The following GATA5 variants were observed in gnomAD, a reference collection of about 807,000 sequenced individuals.
GATA5 encodes GATA binding protein 5, also known as transcription factor GATA-5.
In GATA5, 27 loss-of-function variants were observed where a neutral mutation model predicts 35.0. The observed-to-expected ratio is 0.77, with a 90% CI of 0.57 to 1.06. The LOEUF (loss-of-function observed/expected upper bound fraction) is 1.06, where lower values mean the gene tolerates loss of function less well. GATA5 is among the 50% of genes least tolerant of loss of function. The pLI, the probability that GATA5 is intolerant of heterozygous loss-of-function variation, is 0.00. For synonymous variants in GATA5, 306 were observed against 267.8 expected (o/e 1.14, Z -1.39); for missense variants, 612 against 580.0 (o/e 1.06, Z -0.57).
At chr20:62,467,942 G>A (rs189009854) in intron 3 of GATA5, among the ~76,000 whole-genome samples, 1 of 149,258 alleles carries the variant, frequency 6.7e-6, no homozygotes, top group East Asian at 2.0e-4. Flanking sequence ...AGCCCACCTC[G>A]GTTTCCCCAT....
chr20:62,464,743 G>C lies in GATA5; in HGVS notation c.*93C>G. The C allele has an allele frequency of 8.8e-7, 1 of 1,142,142 alleles. No individual in the cohort carries two copies. Among genetic ancestry groups the C allele is most frequent in the Non-Finnish European group, 1.2e-6 (1 of 822,582 alleles). 70.8% of individuals were successfully genotyped at this position (1,142,142 alleles called of 1,614,324 possible). On this transcript the variant is annotated 3_prime_UTR_variant, in exon 7 of 7. Transcript: ENST00000252997. ...CAGTCTCTGGGTTGGGGGGCCTGCT[G>C]GTCTCTGCTGTGCTGGAGCAAAGCA...
Position 62,475,024 on chromosome 20 carries a change from G to A in GATA5, c.498C>T (p.Gly166=). The A allele has an allele frequency of 7.3e-7, 1 of 1,375,322 alleles. No homozygotes were observed. The allele number at this position is 1,375,322 out of a possible 1,614,324, so 85.2% of individuals were successfully genotyped here. Residue 166 remains glycine (G), a synonymous_variant, in exon 2 of 7, where the codon GGC becomes GGT. Coordinates refer to ENST00000252997, the MANE Select transcript of GATA5 (RefSeq NM_080473.5). Reference sequence around the variant, plus strand: ...CGAAGGTGGGCCTGCGGCCTGGGAGGCCGTGCAGGACGCTGCCATCGAAGG... The same window carrying A: ...CGAAGGTGGGCCTGCGGCCTGGGAGACCGTGCAGGACGCTGCCATCGAAGG... The part of the protein sequence containing the change: ...AGPFDGSVLH[G]LPGRRPTFVS...
chr20:62,475,821 G>C (rs1454092106), intron 1 of GATA5, 109 bp downstream of exon 1: 8 of 262,340 alleles, frequency 3.0e-5, no homozygotes, highest in South Asian at 1.7e-4. Context: ...TGGGAAGGAC[G>C]GGCCTGGCGC....
At chr20:62,471,053 C>A (rs1015960023) in intron 3 of GATA5, among the ~76,000 whole-genome samples, 1 of 152,230 alleles carries the variant, frequency 6.6e-6, no homozygotes. Context: ...CCTCTCCCCA[C>A]TTCTCAGATG....
Position 62,466,454 on chromosome 20 carries a change from G to A in GATA5, c.797C>T (p.Ala266Val). Residue 266 changes from alanine (A) to valine (V), a missense_variant, in exon 4 of 7, where the codon GCC becomes GTC. Ala to Val is a moderately conservative substitution (Grantham distance 64, BLOSUM62 0). Transcript: ENST00000252997. Reference protein sequence around the residue: ...RNSEGEPVCNACGLYMKLHGV... With the variant: ...RNSEGEPVCNVCGLYMKLHGV... ...GTGCAGCTTCATGTAGAGGCCGCAG[G>A]CATTGCACACGGGCTCCCCCTCCGA... 6.3e-7 allele frequency: 1 copy of A among 1,584,920 alleles called. No homozygotes were observed. Among genetic ancestry groups the A allele is most frequent in the Non-Finnish European group, 8.6e-7 (1 of 1,165,958 alleles).
At chr20:62,466,583 C>G (rs782731159) in intron 3 of GATA5, 32 bp from the exon 4 acceptor site, 1 of 1,535,704 alleles carries the variant, frequency 6.5e-7, no homozygotes, top group East Asian at 2.5e-5. Context: ...GAGTGAGCCC[C>G]GGGCCGGGTG....
intron 1 of GATA5, 95 bp downstream of exon 1, chr20:62,475,835 C>T (rs1989849108): frequency 8.7e-6 from 2 of 230,696 alleles, no homozygotes; most frequent in South Asian, 3.6e-4. Context: ...CTGGCGCGGC[C>T]GCAGGACGCA....
chr20:62,468,859 T>G (rs1248893850), intron 3 of GATA5, among the ~76,000 whole-genome samples: 3 of 152,212 alleles, frequency 2.0e-5, no homozygotes, highest in Admixed American at 2.0e-4. Flanking sequence ...TGGCCCCGGC[T>G]GGATGGTGGG....
At position 62,464,913 on chromosome 20, in the gene GATA5, A is replaced by G; in HGVS notation, c.1117T>C (p.Ser373Pro). The G allele has an allele frequency of 6.2e-7, 1 of 1,610,886 alleles. No homozygotes were observed. The highest frequency in any genetic ancestry group is 1.7e-5 in the Admixed American group (1 of 59,704). ...KFEPEDFAFP[S>P]TAPSPQAGLR... ...CCAGCCTGGGGGCTTGGGGCCGTGG[A>G]GGGGAAGGCAAAGTCCTCAGGCTCG... is the stretch of plus-strand genomic sequence containing the variant. The change falls in exon 7 of 7, where the codon TCC becomes CCC. Residue 373 changes from serine to proline, a missense_variant. Coordinates refer to ENST00000252997, the MANE Select transcript of GATA5 (RefSeq NM_080473.5).
In GATA5 at chr20:62,473,420, G is replaced by A. The variant is rs6061554; in HGVS notation, c.682C>T (p.Arg228Trp). 1.9e-5 allele frequency: 30 copies of A among 1,608,030 alleles called. No homozygotes were observed. The highest frequency in any genetic ancestry group is 5.5e-5 in the South Asian group (5 of 90,156). ...GAACTCACCAGGCGCTTCTGAGGCC[G>A]AACGAGCGGCCGGTTGACGCCATTC... ...KMNGVNRPLV[R>W]PQKRLSSSRR... Residue 228 changes from arginine (R) to tryptophan (W), a missense_variant, in exon 3 of 7, where the codon CGG (arginine) becomes TGG (tryptophan). Coordinates refer to ENST00000252997, the MANE Select transcript of GATA5 (RefSeq NM_080473.5).
Position 62,464,124 on chromosome 20 carries a change from T to C in GATA5, c.*712A>G, listed in dbSNP as rs574241190. On this transcript the variant is annotated 3_prime_UTR_variant, in exon 7 of 7. Transcript: ENST00000252997. ...TCATTCTGCCTGTCAGAAATGGTCA[T>C]GATACACAGATTCAGCTAGAACAAG... The C allele has an allele frequency of 6.9e-6, 1 of 144,452 alleles. No homozygotes were observed. Among genetic ancestry groups the C allele is most frequent in the Non-Finnish European group, 1.6e-5 (1 of 62,990 alleles). The allele number at this position is 144,452 out of a possible 1,614,324, so 8.9% of individuals were successfully genotyped here.
rs1989589365 is a variant in GATA5, at chr20:62,466,413, G to A, written c.825+13C>T. ...CAGAGGCCTCCCCGCCCTGCCCCGG[G>A]GACCACACTCACCCCGTGCAGCTTC... is the stretch of plus-strand genomic sequence containing the variant. On this transcript the variant is annotated intron_variant, in intron 4 of 6. Coordinates refer to ENST00000252997, the MANE Select transcript of GATA5 (RefSeq NM_080473.5). 3 of 1,575,752 alleles carry A rather than the reference G, an allele frequency of 1.9e-6. No homozygotes were observed. The highest frequency in any genetic ancestry group is 1.8e-5 in the Admixed American group (1 of 55,358).
chr20:62,474,887 G>T, intron 2 of GATA5, 112 bp downstream of exon 2: 2 of 957,218 alleles, frequency 2.1e-6, no homozygotes, highest in Non-Finnish European at 2.7e-6. Flanking sequence ...GTCGCTCCTG[G>T]CAGGGAGGCT....
chr20:62,464,549 C>T lies in GATA5; in HGVS notation c.*287G>A, dbSNP rs556479202. On this transcript the variant is annotated 3_prime_UTR_variant, in exon 7 of 7. Transcript: ENST00000252997. Reference sequence around the variant, plus strand: ...GGTGGTGGTGCCCTGCGTTGGCCTCCGCCGCAGGGGGCCAGTGTGGTCCGG... The same window carrying T: ...GGTGGTGGTGCCCTGCGTTGGCCTCTGCCGCAGGGGGCCAGTGTGGTCCGG... 8 of 307,688 alleles carry T rather than the reference C, an allele frequency of 2.6e-5. No individual in the cohort carries two copies. The highest frequency in any genetic ancestry group is 2.1e-4 in the East Asian group (4 of 18,910). 19.1% of individuals were successfully genotyped at this position (307,688 alleles called of 1,614,324 possible).
intron 3 of GATA5, 96 bp from the exon 4 acceptor site, chr20:62,466,647 C>T: frequency 2.1e-6 from 3 of 1,406,050 alleles, no homozygotes; most frequent in Non-Finnish European, 2.9e-6. Context: ...TGCGGCCACG[C>T]AGGACCCGGT....
Position 62,470,565 on chromosome 20 carries a change from G to T in GATA5, c.699+2838C>A, listed in dbSNP as rs1033082042. Among the ~76,000 whole-genome samples, 1 of 152,206 alleles carries T rather than the reference G, an allele frequency of 6.6e-6. No homozygotes were observed. The highest frequency in any genetic ancestry group is 6.5e-5 in the Admixed American group (1 of 15,288). ...AGGAAGGAAACCCTGGGGTTGGGTGGGTGTTAGGTGCCTGACTCCAGGTAA... is the reference window on the plus strand; with the variant it reads ...AGGAAGGAAACCCTGGGGTTGGGTGTGTGTTAGGTGCCTGACTCCAGGTAA... On this transcript the variant is annotated intron_variant, in intron 3 of 6. Coordinates refer to ENST00000252997, the MANE Select transcript of GATA5 (RefSeq NM_080473.5). The surrounding 1 kb of genome is among the most constrained non-coding windows in gnomAD (Gnocchi z 4.6).
intron 2 of GATA5, 140 bp downstream of exon 2, chr20:62,474,859 C>T (rs1431058172): frequency 6.2e-6 from 4 of 644,290 alleles, no homozygotes; most frequent in Admixed American, 4.3e-5. Context: ...TTACTCGTCT[C>T]GCCCCGGGGC....
chr20:62,466,478 G>T lies in GATA5; in HGVS notation c.773C>A (p.Ser258Ter). 1 of 1,578,926 alleles carries T rather than the reference G, an allele frequency of 6.3e-7. No homozygotes were observed. The highest frequency in any genetic ancestry group is 2.3e-5 in the East Asian group (1 of 42,852). ...TTNTTLWRRN[S>*]EGEPVCNACG... ...GGCATTGCACACGGGCTCCCCCTCC[G>T]AGTTCCGCCGCCACAGCGTGGTGTT... The change falls in exon 4 of 7, where the codon TCG becomes TAG. Residue 258 changes from serine to a stop codon, truncating the protein, a stop_gained. Coordinates refer to ENST00000252997, the MANE Select transcript of GATA5 (RefSeq NM_080473.5). LOFTEE classifies it high-confidence loss of function.
Position 62,468,856 on chromosome 20 carries a change from G to A in GATA5, c.700-2305C>T, listed in dbSNP as rs527534193. 1.4e-4 allele frequency among the ~76,000 whole-genome samples: 21 copies of A among 152,342 alleles called. No individual in the cohort carries two copies. In the South Asian group the frequency reaches 1.4e-3, roughly 11 times the overall value. On this transcript the variant is annotated intron_variant, in intron 3 of 6. Transcript: ENST00000252997. ...TGGGAGGGAGATGGTGCCTGGCCCC[G>A]GCTGGATGGTGGGCACCCTTCGTGC... is the stretch of plus-strand genomic sequence containing the variant.
Sources: gnomAD v4.1 joint callset for allele counts (sites outside exome capture counted in the v4.1 genomes callset) on GRCh38, gnomAD v4.1.1 for gene constraint, Gnocchi (gnomAD v3.1) non-coding constraint, MANE v1.5 for transcripts, NCBI Gene and HGNC (gene_info 2026-07-23, HGNC 2026-07-21) for gene names.